TLN2: variants seen among roughly 807,000 people sequenced by gnomAD.
TLN2 encodes talin 2.
A neutral mutation model predicts 294.7 loss-of-function variants in TLN2; 118 were observed. The observed-to-expected ratio is 0.40, with a 90% CI of 0.34 to 0.47. The LOEUF (loss-of-function observed/expected upper bound fraction) is 0.47, where lower values mean the gene tolerates loss of function less well. TLN2 is among the 20% of genes least tolerant of loss of function. The pLI is 0.84. For missense variants in TLN2, 3,083 were observed against 3,282.2 expected (o/e 0.94, Z 1.48); for synonymous variants, 1,431 against 1,304.5 (o/e 1.10, Z -2.09).
intron 1 of TLN2, among the ~76,000 whole-genome samples, chr15:62,478,067 C>T (rs1165944939): frequency 2.6e-5 from 4 of 152,192 alleles, no homozygotes; most frequent in African/African-American, 9.7e-5. Flanking sequence ...GGAGTACTTC[C>T]AGTGTCCTAG....
intron 44 of TLN2, 25 bp from the exon 45 acceptor site, chr15:62,783,746 T>C: frequency 3.3e-6 from 5 of 1,528,764 alleles, no homozygotes; most frequent in Non-Finnish European, 4.4e-6. Flanking sequence ...TGTGTGTGTG[T>C]GTCTTGCTTG....
At chr15:62,457,536 G>C (rs900666264) in intron 1 of TLN2, among the ~76,000 whole-genome samples, 8 of 152,176 alleles carry the variant, frequency 5.3e-5, no homozygotes, top group African/African-American at 1.9e-4. Context: ...CGTCTTCCTT[G>C]GGGGTCAGAC....
intron 37 of TLN2, among the ~76,000 whole-genome samples, chr15:62,757,130 C>T (rs566337263): frequency 6.6e-6 from 1 of 152,278 alleles, no homozygotes; most frequent in East Asian, 1.9e-4. Context: ...TGTGCTTATC[C>T]CCATTTTACA....
chr15:62,694,436 T>A (rs1341326935), intron 14 of TLN2, 44 bp downstream of exon 14: 1 of 1,561,738 alleles, frequency 6.4e-7, no homozygotes, highest in Non-Finnish European at 8.8e-7. Context: ...TCTCCCTAGA[T>A]AGGTAGGTTT....
At chr15:62,748,034 G>C (rs1352114878) in intron 32 of TLN2, among the ~76,000 whole-genome samples, 1 of 151,918 alleles carries the variant, frequency 6.6e-6, no homozygotes, top group East Asian at 1.9e-4. Context: ...TAGACACACT[G>C]GTGTAACTTT....
chr15:62,698,517 C>G (rs2141088539), intron 15 of TLN2, among the ~76,000 whole-genome samples: 1 of 152,346 alleles, frequency 6.6e-6, no homozygotes, highest in East Asian at 1.9e-4. Flanking sequence ...AAGCTCTTCA[C>G]ACACTTCTGA....
chr15:62,666,877 A>C (rs932743029), intron 9 of TLN2, among the ~76,000 whole-genome samples: 1 of 152,252 alleles, frequency 6.6e-6, no homozygotes, highest in Non-Finnish European at 1.5e-5. Flanking sequence ...GATCAGAATT[A>C]TCTAAAGGGC....
intron 3 of TLN2, among the ~76,000 whole-genome samples, chr15:62,620,013 T>C (rs1356810394): frequency 6.6e-6 from 1 of 152,196 alleles, no homozygotes; most frequent in African/African-American, 2.4e-5. Flanking sequence ...TCTTGCTCTG[T>C]TGCCCAGGCT....
intron 33 of TLN2, among the ~76,000 whole-genome samples, chr15:62,748,925 C>T (rs1021510602): frequency 5.9e-5 from 9 of 152,230 alleles, no homozygotes; most frequent in African/African-American, 1.9e-4. Context: ...ACTAACAGTA[C>T]TTACACAGTC....
At chr15:62,495,191 A>T (rs190619430) in intron 1 of TLN2, among the ~76,000 whole-genome samples, 160 of 152,298 alleles carry the variant, frequency 1.1e-3, no homozygotes, top group Non-Finnish European at 4.9e-4. Flanking sequence ...ATTTCCAGTC[A>T]TTTATCTAGT....
rs755367342 is a variant in TLN2, at chr15:62,781,248, G to A, written c.5616+7G>A. On this transcript the variant is annotated splice_region_variant and intron_variant, in intron 44 of 58. Transcript: ENST00000636159. ...GGTGACAGCTCAGGAAATGGTAAGA[G>A]GGAAGAGAGCTGCCCTCCCCACTGT... is the stretch of plus-strand genomic sequence containing the variant. 6.2e-7 allele frequency: 1 copy of A among 1,610,236 alleles called. No homozygotes were observed. The highest frequency in any genetic ancestry group is 1.1e-5 in the South Asian group (1 of 91,006).
intron 2 of TLN2, among the ~76,000 whole-genome samples, chr15:62,595,193 G>T (rs1461332371): frequency 6.6e-6 from 1 of 152,080 alleles, no homozygotes; most frequent in Non-Finnish European, 1.5e-5. Flanking sequence ...AGGCTGAGGT[G>T]GGGGATCACT....
At chr15:62,618,018 C>T (rs1297315940) in intron 2 of TLN2, among the ~76,000 whole-genome samples, 3 of 143,812 alleles carry the variant, frequency 2.1e-5, no homozygotes, top group Admixed American at 7.1e-5. Context: ...GGGTTGGTCT[C>T]GAACTTCTGG....
intron 28 of TLN2, chr15:62,734,039 C>A (rs2060874561): frequency 6.6e-6 from 1 of 152,254 alleles, no homozygotes; most frequent in African/African-American, 2.4e-5. Context: ...CTTCCTGTTT[C>A]CAGAAACCTC....
chr15:62,429,300 C>T lies in TLN2; in HGVS notation c.-238+38615C>T, dbSNP rs1218593470. Among the ~76,000 whole-genome samples the T allele has an allele frequency of 2.6e-5, 4 of 152,150 alleles. No individual in the cohort carries two copies. In the East Asian group the frequency reaches 7.7e-4, roughly 29 times the overall value. On this transcript the variant is annotated intron_variant, in intron 1 of 58. Transcript: ENST00000636159. Reference sequence around the variant, plus strand: ...ATCTGAGTTTGCTGTTCTGGGAAGCCAGGAGGATGAACTGATTCATCGGTT... The same window carrying T: ...ATCTGAGTTTGCTGTTCTGGGAAGCTAGGAGGATGAACTGATTCATCGGTT...
At chr15:62,398,306 C>T (rs1192281337) in intron 1 of TLN2, among the ~76,000 whole-genome samples, 1 of 152,108 alleles carries the variant, frequency 6.6e-6, no homozygotes, top group Non-Finnish European at 1.5e-5. Flanking sequence ...TCCCTTCCAC[C>T]ATGTTTGTAA....
chr15:62,718,727 G>A (rs2059938940), intron 24 of TLN2, among the ~76,000 whole-genome samples: 1 of 152,186 alleles, frequency 6.6e-6, no homozygotes, highest in Non-Finnish European at 1.5e-5. Context: ...TGGGTCCTCA[G>A]CTCAGCTGCT....
chr15:62,653,990 C>CTG (rs1452530296), intron 7 of TLN2, among the ~76,000 whole-genome samples: 1 of 152,118 alleles, frequency 6.6e-6, no homozygotes, highest in Non-Finnish European at 1.5e-5. Context: ...TGTGATATAT[C>CTG]TGTGTAGACA....
intron 9 of TLN2, among the ~76,000 whole-genome samples, chr15:62,670,300 G>C (rs1375537805): frequency 6.6e-6 from 1 of 152,212 alleles, no homozygotes; most frequent in Non-Finnish European, 1.5e-5. Flanking sequence ...GCCTGAAGCA[G>C]CTGTGTGTTC....
Sources: allele counts gnomAD v4.1 joint callset (sites outside exome capture counted in the v4.1 genomes callset), GRCh38; gene constraint gnomAD v4.1.1; transcripts MANE v1.5; gene names NCBI Gene and HGNC (gene_info 2026-07-23, HGNC 2026-07-21).